Variants in ROBO1 observed in about 807,000 individuals in gnomAD.
ROBO1 encodes the protein roundabout homolog 1.
In ROBO1, 149 loss-of-function variants were observed where a neutral mutation model predicts 195.9. The ratio of observed to expected loss-of-function variants is 0.76; its 90% CI spans 0.67 to 0.87. The LOEUF is 0.87. ROBO1 is among the 40% of genes least tolerant of loss of function. The probability of loss-of-function intolerance (pLI) is 0.00; values close to 1 mark genes in which losing one functional copy is unlikely to be tolerated. For missense variants in ROBO1, 1,933 were observed against 2,068.3 expected, an observed-to-expected ratio of 0.93 and a Z score of 1.27; for synonymous variants, 816 against 733.2, an observed-to-expected ratio of 1.11 and a Z score of -1.82.
At chr3:78,880,157 T>C (rs1015870522) in intron 4 of ROBO1, among the ~76,000 whole-genome samples, 5 of 152,272 alleles carry the variant, frequency 3.3e-5, no homozygotes, top group Admixed American at 6.5e-5. Flanking sequence ...GGATTGCTTT[T>C]CTTACCTTAA....
chr3:78,858,614 G>A (rs1472164316), intron 4 of ROBO1, among the ~76,000 whole-genome samples: 1 of 150,988 alleles, frequency 6.6e-6, no homozygotes, highest in Non-Finnish European at 1.5e-5. Context: ...TCTGGGCATG[G>A]TAGCGCAGGC....
At chr3:79,221,720 T>TA in intron 2 of ROBO1, among the ~76,000 whole-genome samples, 1 of 152,206 alleles carries the variant, frequency 6.6e-6, no homozygotes, top group African/African-American at 2.4e-5. Flanking sequence ...TTTTGGTACT[T>TA]AATGATTTTT....
chr3:79,070,900 G>T lies in ROBO1; in HGVS notation c.172+54556C>A, dbSNP rs1314606562. Among the ~76,000 whole-genome samples, 3 of 151,326 alleles carry T rather than the reference G, an allele frequency of 2.0e-5. No individual in the cohort carries two copies. In the East Asian group the frequency reaches 5.9e-4, roughly 30 times the overall value. ...CTCTATAGCTAATTCTTTTTATACT[G>T]ACTTTTAAAATTTTTTATTAGTTAT... On this transcript the variant is annotated intron_variant, in intron 3 of 30. Transcript: ENST00000464233.
chr3:79,004,063 G>A (rs963351458), intron 3 of ROBO1, among the ~76,000 whole-genome samples: 6 of 152,106 alleles, frequency 3.9e-5, no homozygotes, highest in Admixed American at 1.3e-4. Context: ...TCCAAGCCAA[G>A]GTAGACATCC....
intron 2 of ROBO1, among the ~76,000 whole-genome samples, chr3:79,498,817 A>G (rs114495455): frequency 0.025 from 3,748 of 152,070 alleles, 167 homozygotes; most frequent in African/African-American, 0.085. Flanking sequence ...ATTGTGCTCC[A>G]GCCTGGGCAA....
chr3:79,199,678 C>T (rs9845808), intron 2 of ROBO1, among the ~76,000 whole-genome samples: 133,913 of 151,576 alleles, frequency 0.88, 60,835 homozygotes, highest in East Asian at 1. Context: ...TTCCATGAGA[C>T]ACATATTTTT....
At chr3:79,409,475 C>A (rs80062068) in intron 2 of ROBO1, among the ~76,000 whole-genome samples, 5,659 of 152,194 alleles carry the variant, frequency 0.037, 250 homozygotes, top group African/African-American at 0.11. Context: ...ATATATTTCA[C>A]AAGTTCCCCC....
intron 1 of ROBO1, among the ~76,000 whole-genome samples, chr3:79,755,220 A>C (rs1172028007): frequency 6.6e-6 from 1 of 152,156 alleles, no homozygotes; most frequent in Non-Finnish European, 1.5e-5. Flanking sequence ...CCCTCAAATT[A>C]TCTCACGATG....
At chr3:78,602,626 G>C (rs570293642) in intron 29 of ROBO1, among the ~76,000 whole-genome samples, 4 of 152,178 alleles carry the variant, frequency 2.6e-5, no homozygotes, top group African/African-American at 9.6e-5. Flanking sequence ...TGCTTTGCGT[G>C]CTGATATACT....
At position 79,330,429 on chromosome 3, in the gene ROBO1, A is replaced by G. The variant is rs2034394019; in HGVS notation, c.89-204890T>C. On this transcript the variant is annotated intron_variant, in intron 2 of 30. Transcript: ENST00000464233. ...ATATTTTTCTACAGTCCATAAACTCATAATGGTTTTTATATTTACAAATGG... is the reference window on the plus strand; with the variant it reads ...ATATTTTTCTACAGTCCATAAACTCGTAATGGTTTTTATATTTACAAATGG... 2.6e-5 allele frequency among the ~76,000 whole-genome samples: 4 copies of G among 151,288 alleles called. No individual in the cohort carries two copies. In the South Asian group the frequency reaches 8.3e-4, roughly 31 times the overall value.
At chr3:78,887,459 C>T (rs1372333512) in intron 4 of ROBO1, among the ~76,000 whole-genome samples, 2 of 152,076 alleles carry the variant, frequency 1.3e-5, no homozygotes, top group Non-Finnish European at 2.9e-5. Context: ...AGAAGATTTC[C>T]CAGAAATGAC....
chr3:79,657,252 CA>C (rs1946194581), intron 1 of ROBO1, among the ~76,000 whole-genome samples: 1 of 151,976 alleles, frequency 6.6e-6, no homozygotes, highest in South Asian at 2.1e-4. Flanking sequence ...TACATAATCT[CA>C]AAAGAAGAAA....
intron 2 of ROBO1, among the ~76,000 whole-genome samples, chr3:79,209,014 T>A (rs916055967): frequency 6.6e-6 from 1 of 152,138 alleles, no homozygotes; most frequent in Non-Finnish European, 1.5e-5. Flanking sequence ...TATTTTTTAT[T>A]TTATTTCAAT....
At chr3:79,260,161 T>C (rs1228132662) in intron 2 of ROBO1, among the ~76,000 whole-genome samples, 1 of 151,656 alleles carries the variant, frequency 6.6e-6, no homozygotes, top group Non-Finnish European at 1.5e-5. Context: ...GTCAGCTAAT[T>C]GAGTTAAAAT....
chr3:78,712,661 A>G (rs1049605773), intron 8 of ROBO1, among the ~76,000 whole-genome samples: 1 of 152,226 alleles, frequency 6.6e-6, no homozygotes, highest in Non-Finnish European at 1.5e-5. Flanking sequence ...AACGCAGTTG[A>G]AATGAGAACT....
chr3:79,375,336 C>T (rs957189858), intron 2 of ROBO1, among the ~76,000 whole-genome samples: 2 of 152,102 alleles, frequency 1.3e-5, no homozygotes, highest in African/African-American at 4.8e-5. Flanking sequence ...ATGGCATGGA[C>T]TCCAGAAAAT....
intron 4 of ROBO1, among the ~76,000 whole-genome samples, chr3:78,758,626 C>G (rs2083007779): frequency 6.6e-6 from 1 of 151,708 alleles, no homozygotes; most frequent in Non-Finnish European, 1.5e-5. Flanking sequence ...AAATACTACT[C>G]TCTCAAAGTG....
intron 1 of ROBO1, among the ~76,000 whole-genome samples, chr3:79,690,375 T>C (rs1353111613): frequency 6.6e-6 from 1 of 151,870 alleles, no homozygotes; most frequent in East Asian, 1.9e-4. Context: ...GAACAGGCAG[T>C]GTGAGAAGGA....
intron 3 of ROBO1, among the ~76,000 whole-genome samples, chr3:79,046,448 C>T (rs539468064): frequency 9.2e-5 from 14 of 152,050 alleles, no homozygotes; most frequent in South Asian, 4.1e-4. Flanking sequence ...ATATATTACA[C>T]GGTAATGTAA....
Sources: gnomAD v4.1 joint callset for allele counts (sites outside exome capture counted in the v4.1 genomes callset) on GRCh38, gnomAD v4.1.1 for gene constraint, MANE v1.5 for transcripts, NCBI Gene and HGNC (gene_info 2026-07-23, HGNC 2026-07-21) for gene names.